Variants in MDGA2 observed in about 807,000 individuals in gnomAD.
MDGA2 encodes MAM domain-containing glycosylphosphatidylinositol anchor protein 2.
Under a neutral mutation model 117.8 loss-of-function variants are expected in MDGA2, and 40 were observed. That is an observed-to-expected ratio of 0.34 (90% CI 0.26 to 0.44). The LOEUF (loss-of-function observed/expected upper bound fraction) is 0.44, where lower values mean the gene tolerates loss of function less well. MDGA2 is among the 20% of genes least tolerant of loss of function. MDGA2 has a pLI of 1.00. For synonymous variants in MDGA2, 452 were observed against 439.0 expected (o/e 1.03, Z -0.37); for missense variants, 1,123 against 1,250.6 (o/e 0.90, Z 1.54).
intron 3 of MDGA2, among the ~76,000 whole-genome samples, chr14:47,214,877 T>C (rs1221969592): frequency 6.6e-6 from 1 of 152,150 alleles, no homozygotes; most frequent in Non-Finnish European, 1.5e-5. Flanking sequence ...ATATACATTA[T>C]GTGTTATTAT....
At chr14:47,218,638 T>C (rs560637252) in intron 2 of MDGA2, among the ~76,000 whole-genome samples, 1 of 152,250 alleles carries the variant, frequency 6.6e-6, no homozygotes, top group South Asian at 2.1e-4. Context: ...TATTTGAAAT[T>C]TTCTATTTGA....
intron 2 of MDGA2, among the ~76,000 whole-genome samples, chr14:47,240,466 T>C (rs1887004506): frequency 6.6e-6 from 1 of 151,884 alleles, no homozygotes; most frequent in Non-Finnish European, 1.5e-5. Flanking sequence ...AAAGAGTAAC[T>C]AGTTTATTAA....
At chr14:47,542,129 G>A (rs868867948) in intron 1 of MDGA2, among the ~76,000 whole-genome samples, 14 of 152,216 alleles carry the variant, frequency 9.2e-5, no homozygotes, top group Middle Eastern at 3.4e-3. Context: ...AGGAGGATAA[G>A]GAATAAGAAA....
rs1338421907 is a variant in MDGA2 at position 46,884,493 on chromosome 14, G to C, written c.2239-2272C>G. ...ACATACTATATGTTCATAAGTATTT[G>C]TTTTCTGAAGGTTAAGTTAGTCCTA... is the stretch of plus-strand genomic sequence containing the variant. On this transcript the variant is annotated intron_variant, in intron 10 of 16. Transcript: ENST00000399232. The surrounding 1 kb of genome is among the most constrained non-coding windows in gnomAD (Gnocchi z 4.1). Among the ~76,000 whole-genome samples, 3 of 152,034 alleles carry C rather than the reference G, an allele frequency of 2.0e-5. No homozygotes were observed. The highest frequency in any genetic ancestry group is 7.2e-5 in the African/African-American group (3 of 41,408).
chr14:46,865,537 C>T (rs1166639317), intron 14 of MDGA2, among the ~76,000 whole-genome samples: 1 of 152,002 alleles, frequency 6.6e-6, no homozygotes, highest in African/African-American at 2.4e-5. Flanking sequence ...GAAGTTCTGG[C>T]CAGGGCAATT....
intron 1 of MDGA2, among the ~76,000 whole-genome samples, chr14:47,544,820 T>C (rs2057173): frequency 0.26 from 39,513 of 152,044 alleles, 5,757 homozygotes; most frequent in South Asian, 0.52. Flanking sequence ...ACCATGACAG[T>C]AATATTACAG....
chr14:47,157,573 A>C (rs1388858341), intron 3 of MDGA2, among the ~76,000 whole-genome samples: 1 of 149,082 alleles, frequency 6.7e-6, no homozygotes, highest in Non-Finnish European at 1.5e-5. Context: ...AAAGGATATA[A>C]ATTTTTAAAC....
intron 1 of MDGA2, among the ~76,000 whole-genome samples, chr14:47,549,086 T>G (rs1319501760): frequency 6.6e-6 from 1 of 152,148 alleles, no homozygotes; most frequent in Admixed American, 6.5e-5. Flanking sequence ...GGATGGAGTT[T>G]TTTGAGGGGT....
At chr14:47,439,719 G>A (rs1892966389) in intron 1 of MDGA2, among the ~76,000 whole-genome samples, 1 of 151,806 alleles carries the variant, frequency 6.6e-6, no homozygotes, top group Non-Finnish European at 1.5e-5. Context: ...GTCTATGTCT[G>A]TATGTATAGT....
chr14:47,551,121 TAA>T (rs779232016), intron 1 of MDGA2, among the ~76,000 whole-genome samples: 11 of 152,210 alleles, frequency 7.2e-5, no homozygotes, highest in African/African-American at 2.2e-4. Flanking sequence ...ATGTAAATAT[TAA>T]GTTAAAATAC....
At chr14:47,248,415 T>G (rs1443329656) in intron 2 of MDGA2, among the ~76,000 whole-genome samples, 1 of 151,732 alleles carries the variant, frequency 6.6e-6, no homozygotes, top group Non-Finnish European at 1.5e-5. Context: ...AATAGATTAA[T>G]GAAAGAAGAC....
chr14:47,473,743 ACAGAAAAGGCCTT>A (rs1442497234), intron 1 of MDGA2, among the ~76,000 whole-genome samples: 2 of 152,174 alleles, frequency 1.3e-5, no homozygotes, highest in African/African-American at 4.8e-5. Flanking sequence ...CTCAATAGAC[ACAGAAAAGGCCTT>A]CAATAAAATT....
chr14:47,214,069 C>T (rs1189676902), intron 3 of MDGA2, among the ~76,000 whole-genome samples: 2 of 152,000 alleles, frequency 1.3e-5, no homozygotes, highest in Non-Finnish European at 2.9e-5. Context: ...CTCACTATCA[C>T]GAGAACTGCA....
At chr14:46,942,430 T>A (rs935151283) in intron 9 of MDGA2, among the ~76,000 whole-genome samples, 1 of 152,162 alleles carries the variant, frequency 6.6e-6, no homozygotes, top group Non-Finnish European at 1.5e-5. Context: ...TTACATATAA[T>A]AAACTTCATA....
chr14:47,659,422 T>A (rs1410769768), intron 1 of MDGA2, among the ~76,000 whole-genome samples: 2 of 152,206 alleles, frequency 1.3e-5, no homozygotes, highest in African/African-American at 4.8e-5. Context: ...CTAAAAATAT[T>A]CTTAGAACAA....
intron 3 of MDGA2, among the ~76,000 whole-genome samples, chr14:47,210,819 G>A (rs1355129167): frequency 6.6e-6 from 1 of 152,044 alleles, no homozygotes. Context: ...AGGCATTTGA[G>A]ACCAGCTTGA....
intron 1 of MDGA2, among the ~76,000 whole-genome samples, chr14:47,548,988 G>A (rs1228553765): frequency 6.6e-6 from 1 of 152,016 alleles, no homozygotes; most frequent in African/African-American, 2.4e-5. Context: ...CACTGAATGA[G>A]CTCTACGTGA....
At chr14:47,378,386 G>A (rs1566761084) in intron 1 of MDGA2, among the ~76,000 whole-genome samples, 1 of 152,190 alleles carries the variant, frequency 6.6e-6, no homozygotes, top group Non-Finnish European at 1.5e-5. Flanking sequence ...GAGTGAATAA[G>A]GCTTCAGACG....
At chr14:47,544,985 T>A (rs1361085333) in intron 1 of MDGA2, among the ~76,000 whole-genome samples, 1 of 152,238 alleles carries the variant, frequency 6.6e-6, no homozygotes, top group African/African-American at 2.4e-5. Context: ...TATAAAATTA[T>A]TATCTAAATT....
Sources: allele counts gnomAD v4.1 joint callset (sites outside exome capture counted in the v4.1 genomes callset), GRCh38; gene constraint gnomAD v4.1.1; non-coding constraint Gnocchi (gnomAD v3.1); transcripts MANE v1.5; gene names NCBI Gene and HGNC (gene_info 2026-07-23, HGNC 2026-07-21).